The following SEMA3E variants were observed in gnomAD, a reference collection of about 807,000 sequenced individuals.
SEMA3E encodes the protein semaphorin 3E.
Under a neutral mutation model 93.6 loss-of-function variants are expected in SEMA3E, and 49 were observed. The ratio of observed to expected loss-of-function variants is 0.52; its 90% CI spans 0.42 to 0.66. The LOEUF is 0.66. Among genes scored for constraint, SEMA3E ranks in the 30% least tolerant of loss-of-function variants. The pLI is 0.00. For synonymous variants in SEMA3E, 363 were observed against 330.7 expected, an observed-to-expected ratio of 1.10 and a Z score of -1.06; for missense variants, 906 against 964.8, an observed-to-expected ratio of 0.94 and a Z score of 0.81.
chr7:83,548,974 C>T (rs951650713), intron 1 of SEMA3E, among the ~76,000 whole-genome samples: 1 of 152,056 alleles, frequency 6.6e-6, no homozygotes, highest in African/African-American at 2.4e-5. Context: ...TCTCTTTCAG[C>T]CTATCACAAC....
chr7:83,407,295 A>C (rs13224391), intron 6 of SEMA3E, 56 bp from the exon 7 acceptor site: 1 of 1,394,890 alleles, frequency 7.2e-7, no homozygotes, highest in Non-Finnish European at 1.0e-6. Flanking sequence ...CTAAATGCTA[A>C]CAAGTTATTC....
chr7:83,436,944 G>T (rs1018943065), intron 4 of SEMA3E, among the ~76,000 whole-genome samples: 2 of 152,158 alleles, frequency 1.3e-5, no homozygotes, highest in African/African-American at 4.8e-5. Context: ...ATAGCAGAAG[G>T]CAAGGAGGAG....
chr7:83,374,899 G>A lies in SEMA3E; in HGVS notation c.1876-6861C>T, dbSNP rs144215004. Reference sequence around the variant, plus strand: ...ATCACAATGTACCATAAACTAAATCGTATGATTAAGTAAATTATGCATCTG... The same window carrying A: ...ATCACAATGTACCATAAACTAAATCATATGATTAAGTAAATTATGCATCTG... On this transcript the variant is annotated intron_variant, in intron 16 of 16. Coordinates refer to ENST00000643230, the MANE Select transcript of SEMA3E (RefSeq NM_012431.3). 7.3e-3 allele frequency among the ~76,000 whole-genome samples: 1,110 copies of A among 151,778 alleles called. 10 individuals are homozygous for A. The highest frequency in any genetic ancestry group is 0.012 in the Non-Finnish European group (813 of 67,898).
At chr7:83,580,109 G>A (rs983868474) in intron 1 of SEMA3E, among the ~76,000 whole-genome samples, 2 of 151,972 alleles carry the variant, frequency 1.3e-5, no homozygotes, top group African/African-American at 4.8e-5. Context: ...ACAACTATCT[G>A]AACTTTGATA....
At chr7:83,552,510 G>A (rs1196303202) in intron 1 of SEMA3E, among the ~76,000 whole-genome samples, 1 of 152,074 alleles carries the variant, frequency 6.6e-6, no homozygotes, top group Non-Finnish European at 1.5e-5. Flanking sequence ...CTAACCGCGG[G>A]GTTGGGCAAA....
intron 4 of SEMA3E, among the ~76,000 whole-genome samples, chr7:83,456,879 G>C (rs913973591): frequency 6.6e-6 from 1 of 152,052 alleles, no homozygotes; most frequent in Non-Finnish European, 1.5e-5. Flanking sequence ...CTCCCAAAGT[G>C]CTGGGATTAC....
At chr7:83,458,101 T>G (rs888439604) in intron 4 of SEMA3E, among the ~76,000 whole-genome samples, 2 of 151,662 alleles carry the variant, frequency 1.3e-5, no homozygotes, top group African/African-American at 4.8e-5. Flanking sequence ...ATGTGGGATA[T>G]TATTTCAATC....
At chr7:83,417,967 C>A (rs1788588848) in intron 5 of SEMA3E, among the ~76,000 whole-genome samples, 1 of 152,034 alleles carries the variant, frequency 6.6e-6, no homozygotes. Context: ...CTGCTGAATT[C>A]TACTAATAAC....
At chr7:83,577,075 T>C (rs1048994916) in intron 1 of SEMA3E, among the ~76,000 whole-genome samples, 4 of 152,244 alleles carry the variant, frequency 2.6e-5, no homozygotes, top group Admixed American at 2.0e-4. Flanking sequence ...ACTTCACTTA[T>C]ATATATTGTC....
At chr7:83,415,549 A>G (rs1000081144) in intron 5 of SEMA3E, among the ~76,000 whole-genome samples, 25 of 152,244 alleles carry the variant, frequency 1.6e-4, no homozygotes, top group African/African-American at 5.8e-4. Flanking sequence ...TAGATTATAA[A>G]TGAAATAAAA....
At chr7:83,543,870 T>C (rs1431926089) in intron 1 of SEMA3E, among the ~76,000 whole-genome samples, 4 of 152,058 alleles carry the variant, frequency 2.6e-5, no homozygotes, top group Admixed American at 6.6e-5. Context: ...AATATCAAGG[T>C]AATGTTTATA....
intron 4 of SEMA3E, among the ~76,000 whole-genome samples, chr7:83,421,038 A>G (rs2115705447): frequency 7.0e-6 from 1 of 142,680 alleles, no homozygotes; most frequent in East Asian, 1.9e-4. Flanking sequence ...AACTTACAGA[A>G]TGTGAGAAAA....
At chr7:83,493,547 T>A (rs28477130) in intron 1 of SEMA3E, among the ~76,000 whole-genome samples, 2 of 151,932 alleles carry the variant, frequency 1.3e-5, no homozygotes, top group Non-Finnish European at 1.5e-5. Context: ...GGTCATTTTT[T>A]AAATTTATAA....
chr7:83,481,385 AC>A (rs1251854447), intron 2 of SEMA3E, among the ~76,000 whole-genome samples: 2 of 152,026 alleles, frequency 1.3e-5, no homozygotes, highest in Non-Finnish European at 2.9e-5. Context: ...AATAAATAAA[AC>A]AAAAACACGT....
chr7:83,626,387 G>C, intron 1 of SEMA3E, among the ~76,000 whole-genome samples: 1 of 152,034 alleles, frequency 6.6e-6, no homozygotes, highest in Non-Finnish European at 1.5e-5. Context: ...TTCAGAATTT[G>C]TTATTGATCT....
intron 5 of SEMA3E, among the ~76,000 whole-genome samples, chr7:83,409,724 A>T (rs1478041762): frequency 2.6e-5 from 4 of 151,872 alleles, no homozygotes; most frequent in African/African-American, 9.6e-5. Flanking sequence ...CAAATATATA[A>T]ACAGAATTTA....
chr7:83,366,792 T>C lies in SEMA3E; in HGVS notation c.*794A>G, dbSNP rs973820258. The C allele has an allele frequency of 6.6e-6, 1 of 152,152 alleles. No homozygotes were observed. The highest frequency in any genetic ancestry group is 2.4e-5 in the African/African-American group (1 of 41,434). 9.4% of individuals were successfully genotyped at this position (152,152 alleles called of 1,614,324 possible). On this transcript the variant is annotated 3_prime_UTR_variant, in exon 17 of 17. Coordinates refer to ENST00000643230, the MANE Select transcript of SEMA3E (RefSeq NM_012431.3). ...TCCGTCTGTAGAGAAAAAAGAAATG[T>C]GTGAGAATATAATTTTTTTTACCAC...
intron 1 of SEMA3E, among the ~76,000 whole-genome samples, chr7:83,589,378 A>T (rs1295547720): frequency 6.6e-6 from 1 of 152,130 alleles, no homozygotes; most frequent in Non-Finnish European, 1.5e-5. Flanking sequence ...AATTAATCTT[A>T]TTCCTGAGAG....
At chr7:83,368,628 G>T (rs1794709614) in intron 16 of SEMA3E, among the ~76,000 whole-genome samples, 1 of 152,096 alleles carries the variant, frequency 6.6e-6, no homozygotes, top group Non-Finnish European at 1.5e-5. Flanking sequence ...CTTTACAAGA[G>T]ATTAAAAAAT....
Sources: gnomAD v4.1 joint callset for allele counts (sites outside exome capture counted in the v4.1 genomes callset) on GRCh38, gnomAD v4.1.1 for gene constraint, MANE v1.5 for transcripts, NCBI Gene and HGNC (gene_info 2026-07-23, HGNC 2026-07-21) for gene names.